The following NAALADL2 variants were observed in gnomAD, a reference collection of about 807,000 sequenced individuals.
The protein encoded by NAALADL2 is inactive N-acetylated-alpha-linked acidic dipeptidase-like protein 2.
A neutral mutation model predicts 87.2 loss-of-function variants in NAALADL2; 76 were observed. The observed-to-expected ratio is 0.87, with a 90% CI of 0.72 to 1.05. The LOEUF is 1.05. Among genes scored for constraint, NAALADL2 ranks in the 50% least tolerant of loss-of-function variants. NAALADL2 has a pLI of 0.00. For missense variants in NAALADL2, 1,089 were observed against 945.8 expected, an observed-to-expected ratio of 1.15 and a Z score of -1.99; for synonymous variants, 354 against 331.0, an observed-to-expected ratio of 1.07 and a Z score of -0.75.
At chr3:175,742,241 T>C (rs1344959358) in intron 12 of NAALADL2, among the ~76,000 whole-genome samples, 1 of 152,208 alleles carries the variant, frequency 6.6e-6, no homozygotes. Flanking sequence ...CTATACTATA[T>C]AGAAATAGAA....
chr3:174,509,848 G>C (rs1051645455), intron 1 of NAALADL2, among the ~76,000 whole-genome samples: 1 of 151,984 alleles, frequency 6.6e-6, no homozygotes, highest in East Asian at 1.9e-4. Context: ...TTGAGGGTTA[G>C]AGATTCAACA....
At chr3:175,342,391 T>G (rs1762651116) in intron 5 of NAALADL2, among the ~76,000 whole-genome samples, 1 of 152,094 alleles carries the variant, frequency 6.6e-6, no homozygotes, top group Admixed American at 6.6e-5. Flanking sequence ...ACAAAGCATC[T>G]GATCCTTAGG....
intron 1 of NAALADL2, among the ~76,000 whole-genome samples, chr3:175,076,365 G>A (rs142486405): frequency 2.5e-3 from 357 of 144,034 alleles, no homozygotes; most frequent in African/African-American, 8.7e-3. Flanking sequence ...AAGAATAGGT[G>A]TCTAAAGACA....
At chr3:175,299,167 T>C (rs1256457961) in intron 4 of NAALADL2, among the ~76,000 whole-genome samples, 7 of 152,232 alleles carry the variant, frequency 4.6e-5, no homozygotes, top group African/African-American at 1.4e-4. Context: ...TTTTGGTTAC[T>C]GTAGCCTTGT....
rs149696322 is a variant in NAALADL2 at position 175,707,305 on chromosome 3, A to G, written c.1897-30001A>G. Reference sequence around the variant, plus strand: ...TTCCAATAAGACTTTATTCATGAACAGTGAAATTTAGATTTCATATAAGCT... The same window carrying G: ...TTCCAATAAGACTTTATTCATGAACGGTGAAATTTAGATTTCATATAAGCT... On this transcript the variant is annotated intron_variant, in intron 11 of 13. Coordinates refer to ENST00000454872, the MANE Select transcript of NAALADL2 (RefSeq NM_207015.3). 1.5e-4 allele frequency among the ~76,000 whole-genome samples: 23 copies of G among 152,278 alleles called. No individual in the cohort carries two copies. In the East Asian group the frequency reaches 4.2e-3, roughly 28 times the overall value.
intron 2 of NAALADL2, among the ~76,000 whole-genome samples, chr3:175,138,918 A>ATATGTATG (rs1553787382): frequency 3.7e-5 from 5 of 136,390 alleles, no homozygotes; most frequent in Non-Finnish European, 7.9e-5. Flanking sequence ...ATATATATAT[A>ATATGTATG]TATATATGAT....
At chr3:175,020,707 C>G (rs2108861005) in intron 1 of NAALADL2, among the ~76,000 whole-genome samples, 2 of 152,150 alleles carry the variant, frequency 1.3e-5, no homozygotes, top group African/African-American at 4.8e-5. Flanking sequence ...CTAAATATCA[C>G]TTTGATTCTG....
At chr3:174,867,598 T>A (rs1204518101) in intron 1 of NAALADL2, among the ~76,000 whole-genome samples, 1 of 152,040 alleles carries the variant, frequency 6.6e-6, no homozygotes, top group Admixed American at 6.6e-5. Flanking sequence ...AAGTTTAATA[T>A]GCTCAGAAAA....
chr3:175,338,604 AAAAAAAAAAAC>A (rs1250746206), intron 5 of NAALADL2, among the ~76,000 whole-genome samples: 1 of 111,900 alleles, frequency 8.9e-6, no homozygotes, highest in Admixed American at 1.2e-4. Context: ...CAAAAAAAAA[AAAAAAAAAAAC>A]ACCACAAACA....
At chr3:174,524,065 C>T (rs540620800) in intron 1 of NAALADL2, among the ~76,000 whole-genome samples, 24 of 152,058 alleles carry the variant, frequency 1.6e-4, no homozygotes, top group African/African-American at 5.5e-4. Context: ...TCTGAATTAA[C>T]AACAACTCCT....
intron 1 of NAALADL2, among the ~76,000 whole-genome samples, chr3:174,956,954 C>T (rs1205819395): frequency 1.3e-5 from 2 of 151,938 alleles, no homozygotes; most frequent in Admixed American, 6.6e-5. Context: ...CCATTCTCCT[C>T]CTTTTCAGGG....
intron 3 of NAALADL2, among the ~76,000 whole-genome samples, chr3:174,816,413 CGTGT>C (rs10567967): frequency 0.14 from 21,364 of 148,418 alleles, 2,226 homozygotes; most frequent in African/African-American, 0.29. Flanking sequence ...TATGTGTGTG[CGTGT>C]GTGTGTGTGT....
Position 175,461,389 on chromosome 3 carries a change from G to A in NAALADL2, c.1235-2012G>A, listed in dbSNP as rs138928869. 6.2e-3 allele frequency among the ~76,000 whole-genome samples: 938 copies of A among 152,228 alleles called. 7 individuals are homozygous for A. Among genetic ancestry groups the A allele is most frequent in the Middle Eastern group, 0.014 (4 of 294 alleles). On this transcript the variant is annotated intron_variant, in intron 6 of 13. Coordinates refer to ENST00000454872, the MANE Select transcript of NAALADL2 (RefSeq NM_207015.3). ...GCATTTTTACAGAGTGCTGATTGGT[G>A]CATTTACAATCCTCTAGCTAGACAG...
intron 1 of NAALADL2, among the ~76,000 whole-genome samples, chr3:174,541,762 G>A (rs147707547): frequency 6.6e-6 from 1 of 152,166 alleles, no homozygotes; most frequent in African/African-American, 2.4e-5. Context: ...ACATACTTAA[G>A]TATTTAATAT....
intron 7 of NAALADL2, among the ~76,000 whole-genome samples, chr3:175,465,473 C>CTTTTTTTTTT (rs71164634): frequency 1.9e-5 from 2 of 106,742 alleles, no homozygotes; most frequent in African/African-American, 7.6e-5. Flanking sequence ...TGAATTAAAT[C>CTTTTTTTTTT]TTTTTTTTTT....
At chr3:175,511,685 A>T (rs1731177271) in intron 9 of NAALADL2, among the ~76,000 whole-genome samples, 1 of 152,208 alleles carries the variant, frequency 6.6e-6, no homozygotes, top group South Asian at 2.1e-4. Flanking sequence ...GTCAGGTGGT[A>T]ACTAATGTGT....
chr3:174,623,667 A>G (rs935636942), intron 2 of NAALADL2, among the ~76,000 whole-genome samples: 2 of 151,758 alleles, frequency 1.3e-5, no homozygotes, highest in African/African-American at 2.4e-5. Context: ...AAAAGTGTGT[A>G]TAAGTGTACC....
chr3:175,033,185 T>C (rs1752992343), intron 1 of NAALADL2, among the ~76,000 whole-genome samples: 1 of 151,988 alleles, frequency 6.6e-6, no homozygotes, highest in Non-Finnish European at 1.5e-5. Context: ...TCTGATGATA[T>C]TTGATGGTTT....
intron 1 of NAALADL2, among the ~76,000 whole-genome samples, chr3:175,002,450 C>G (rs1748382836): frequency 1.3e-5 from 2 of 152,054 alleles, no homozygotes; most frequent in Admixed American, 1.3e-4. Flanking sequence ...CTCCTTAAAG[C>G]TAAAAATGAA....
Sources: gnomAD v4.1 joint callset for allele counts (sites outside exome capture counted in the v4.1 genomes callset) on GRCh38, gnomAD v4.1.1 for gene constraint, MANE v1.5 for transcripts, NCBI Gene and HGNC (gene_info 2026-07-23, HGNC 2026-07-21) for gene names.